TMEM236: variants seen among roughly 807,000 people sequenced by gnomAD.
TMEM236 encodes family with sequence similarity 23, member A.
In TMEM236, 11 loss-of-function variants were observed where a neutral mutation model predicts 14.7. That is an observed-to-expected ratio of 0.75 (90% CI 0.47 to 1.24). The LOEUF (loss-of-function observed/expected upper bound fraction) is 1.24, where lower values mean the gene tolerates loss of function less well. Among genes scored for constraint, TMEM236 ranks in the 50% most tolerant of loss-of-function variants. The probability of loss-of-function intolerance (pLI) is 0.00; values close to 1 mark genes in which losing one functional copy is unlikely to be tolerated. For missense variants in TMEM236, 464 were observed against 427.3 expected, an observed-to-expected ratio of 1.09 and a Z score of -0.76; for synonymous variants, 182 against 168.6, an observed-to-expected ratio of 1.08 and a Z score of -0.62.
In TMEM236 at chr10:17,796,351, C is replaced by A. The variant is rs1259221288; in HGVS notation, c.903C>A (p.Phe301Leu). The A allele has an allele frequency of 7.4e-6, 12 of 1,613,818 alleles. No individual in the cohort carries two copies. In the African/African-American group the frequency reaches 1.5e-4, roughly 20 times the overall value. The change falls in exon 4 of 4, where the codon TTC becomes TTA. Residue 301 changes from phenylalanine (F) to leucine (L), a missense_variant. Coordinates refer to ENST00000377495, the MANE Select transcript of TMEM236 (RefSeq NM_001098844.3). ...SLSVLLQDLP[F>L]VFVRLGLIIA... The stretch of plus-strand genomic sequence containing the variant: ...GCGTCCTGCTGCAAGATTTACCATT[C>A]GTTTTTGTTAGACTTGGTTTAATCA...
At chr10:17,763,697 G>A (rs1397125494) in intron 1 of TMEM236, among the ~76,000 whole-genome samples, 1 of 152,216 alleles carries the variant, frequency 6.6e-6, no homozygotes, top group African/African-American at 2.4e-5. Context: ...GGAGGAGGAT[G>A]AGTATGAGGA....
At chr10:17,775,495 G>C (rs936336839) in intron 2 of TMEM236, among the ~76,000 whole-genome samples, 1 of 152,066 alleles carries the variant, frequency 6.6e-6, no homozygotes, top group Non-Finnish European at 1.5e-5. Context: ...GGTTGGTCTC[G>C]AGCTCCAGGC....
intron 3 of TMEM236, among the ~76,000 whole-genome samples, chr10:17,778,543 G>A (rs1837694976): frequency 1.3e-5 from 2 of 152,074 alleles, no homozygotes; most frequent in African/African-American, 4.8e-5. Context: ...GGTGATACTT[G>A]CAAGTAAAAA....
Position 17,760,137 on chromosome 10 carries a change from C to T in TMEM236, c.257+7585C>T, listed in dbSNP as rs1837338983. 2.0e-5 allele frequency among the ~76,000 whole-genome samples: 3 copies of T among 152,206 alleles called. No homozygotes were observed. In the South Asian group the frequency reaches 6.2e-4, roughly 32 times the overall value. The stretch of plus-strand genomic sequence containing the variant: ...GCTAACCTGAAGGAAATGGAACTCA[C>T]CTTTCAGCACCTCTGAGAGATCATT... On this transcript the variant is annotated intron_variant, in intron 1 of 3. Transcript: ENST00000377495.
rs1838010431 is a variant in TMEM236, at chr10:17,796,137, G to A, written c.689G>A (p.Arg230Gln). The A allele has an allele frequency of 6.2e-6, 10 of 1,613,860 alleles. No individual in the cohort carries two copies. Among genetic ancestry groups the A allele is most frequent in the Middle Eastern group, 1.7e-4 (1 of 6,056 alleles). ...TCCGGAATCCTGAGAATGATGTCCC[G>A]GCGAGATGTCCGGGCAGAGTTATTC... Reference protein sequence around the residue: ...CDSGILRMMSRRDVRAELFLW... With the variant: ...CDSGILRMMSQRDVRAELFLW... Residue 230 changes from arginine to glutamine, a missense_variant, in exon 4 of 4, where the codon CGG becomes CAG. Coordinates refer to ENST00000377495, the MANE Select transcript of TMEM236 (RefSeq NM_001098844.3).
intron 1 of TMEM236, among the ~76,000 whole-genome samples, chr10:17,767,244 C>T (rs1837482586): frequency 2.0e-5 from 3 of 152,028 alleles, no homozygotes; most frequent in East Asian, 1.9e-4. Flanking sequence ...GGGTGGATCT[C>T]GAGGTCAGGA....
intron 1 of TMEM236, among the ~76,000 whole-genome samples, chr10:17,763,901 A>G (rs995431318): frequency 1.8e-4 from 27 of 151,506 alleles, no homozygotes; most frequent in South Asian, 2.1e-4. Context: ...TCAGCCTTCA[A>G]CCTCAGTTTC....
At chr10:17,767,970 C>A (rs1334816452) in intron 1 of TMEM236, among the ~76,000 whole-genome samples, 1 of 149,006 alleles carries the variant, frequency 6.7e-6, no homozygotes, top group Non-Finnish European at 1.5e-5. Flanking sequence ...AGTGCAGTGG[C>A]GTGATCTTGG....
At chr10:17,775,849 C>T (rs1303503346) in intron 2 of TMEM236, among the ~76,000 whole-genome samples, 180 bp from the exon 3 acceptor site, 2 of 152,276 alleles carry the variant, frequency 1.3e-5, no homozygotes, top group Non-Finnish European at 1.5e-5. Flanking sequence ...GTCCTTATGA[C>T]AGCTTTAGAA....
intron 1 of TMEM236, among the ~76,000 whole-genome samples, chr10:17,755,371 TACC>T (rs1837271056): frequency 6.6e-6 from 1 of 152,128 alleles, no homozygotes; most frequent in South Asian, 2.1e-4. Context: ...GAGCTAGAAA[TACC>T]ATTGCTGAGG....
chr10:17,792,681 G>T (rs1255268696), intron 3 of TMEM236, among the ~76,000 whole-genome samples: 1 of 152,160 alleles, frequency 6.6e-6, no homozygotes, highest in Non-Finnish European at 1.5e-5. Flanking sequence ...TCAGATGTGG[G>T]AAACTAGATC....
intron 3 of TMEM236, among the ~76,000 whole-genome samples, chr10:17,791,002 C>T (rs1226153504): frequency 6.6e-6 from 1 of 152,142 alleles, no homozygotes; most frequent in Non-Finnish European, 1.5e-5. Context: ...TATCCTGGAC[C>T]ATAAGACTCT....
At chr10:17,781,049 A>G (rs140924310) in intron 3 of TMEM236, among the ~76,000 whole-genome samples, 56,004 of 151,984 alleles carry the variant, frequency 0.37, 10,816 homozygotes, top group Middle Eastern at 0.55. Context: ...CTCACTGTAC[A>G]TGCAGCTGGC....
At chr10:17,771,203 G>C (rs1837565843) in intron 1 of TMEM236, 106 bp from the exon 2 acceptor site, 6 of 1,055,846 alleles carry the variant, frequency 5.7e-6, no homozygotes. Flanking sequence ...CAGCTTCTTA[G>C]AAAAACTATA....
intron 1 of TMEM236, among the ~76,000 whole-genome samples, chr10:17,759,808 G>A (rs1044607043): frequency 9.2e-5 from 14 of 151,628 alleles, no homozygotes; most frequent in South Asian, 2.1e-4. Flanking sequence ...GTGAAACCCC[G>A]TCTCTACTAA....
intron 3 of TMEM236, among the ~76,000 whole-genome samples, chr10:17,778,582 G>GC (rs1837695643): frequency 2.0e-5 from 3 of 152,190 alleles, no homozygotes; most frequent in Admixed American, 2.0e-4. Context: ...GGATGAACAA[G>GC]ATCTAGAATA....
chr10:17,782,094 A>G (rs1453155149), intron 3 of TMEM236, among the ~76,000 whole-genome samples: 2 of 151,762 alleles, frequency 1.3e-5, no homozygotes, highest in African/African-American at 4.8e-5. Flanking sequence ...AGGTCTTGTG[A>G]CTACTGCTGC....
intron 1 of TMEM236, among the ~76,000 whole-genome samples, chr10:17,764,786 A>G (rs1250025822): frequency 2.7e-5 from 4 of 147,388 alleles, no homozygotes; most frequent in Admixed American, 1.4e-4. Context: ...CATTCTTCCT[A>G]TGTGTCCTCG....
At chr10:17,774,538 A>G (rs1232842858) in intron 2 of TMEM236, among the ~76,000 whole-genome samples, 1 of 152,186 alleles carries the variant, frequency 6.6e-6, no homozygotes, top group Non-Finnish European at 1.5e-5. Context: ...CCTTTGTTAT[A>G]AATCAAGTGT....
Sources: gnomAD v4.1 joint callset for allele counts (sites outside exome capture counted in the v4.1 genomes callset) on GRCh38, gnomAD v4.1.1 for gene constraint, MANE v1.5 for transcripts, NCBI Gene and HGNC (gene_info 2026-07-23, HGNC 2026-07-21) for gene names.